Variants in HMGCLL1 observed in about 807,000 individuals in gnomAD.
The protein encoded by HMGCLL1 is 3-hydroxy-3-methylglutaryl-CoA lyase like 1.
In HMGCLL1, 36 loss-of-function variants were observed where a neutral mutation model predicts 39.1. The ratio of observed to expected loss-of-function variants is 0.92; its 90% CI spans 0.71 to 1.22. HMGCLL1 has a LOEUF of 1.22. Ranked by LOEUF, HMGCLL1 falls within the 50% of genes most tolerant of loss-of-function variation. The pLI, the probability that HMGCLL1 is intolerant of heterozygous loss-of-function variation, is 0.00. For synonymous variants in HMGCLL1, 149 were observed against 144.0 expected, an observed-to-expected ratio of 1.03 and a Z score of -0.25; for missense variants, 451 against 416.5, an observed-to-expected ratio of 1.08 and a Z score of -0.72.
chr6:55,614,140 C>T, the HMGCLL1 span, among the ~76,000 whole-genome samples: 1 of 151,950 alleles, frequency 6.6e-6, no homozygotes, highest in African/African-American at 2.4e-5. Context: ...ATGTCTTATA[C>T]AAATAAATTG....
At chr6:55,557,640 G>C (rs928014803) in intron 1 of HMGCLL1, among the ~76,000 whole-genome samples, 4 of 152,088 alleles carry the variant, frequency 2.6e-5, no homozygotes, top group African/African-American at 9.7e-5. Context: ...CCCCAGAGGT[G>C]TCTCTAATGT....
At chr6:55,616,279 GA>G in the HMGCLL1 span, among the ~76,000 whole-genome samples, 4 of 152,048 alleles carry the variant, frequency 2.6e-5, no homozygotes, top group Admixed American at 2.6e-4. Context: ...ACTGGGACTT[GA>G]TCTCTTGATC....
intron 1 of HMGCLL1, chr6:55,577,239 G>A (rs199803414): frequency 3.3e-6 from 2 of 607,296 alleles, no homozygotes; most frequent in Non-Finnish European, 4.0e-6. Flanking sequence ...CGATAAGATA[G>A]AAAAAATCAC....
At chr6:55,588,426 G>C in the HMGCLL1 span, among the ~76,000 whole-genome samples, 1 of 151,834 alleles carries the variant, frequency 6.6e-6, no homozygotes, top group Non-Finnish European at 1.5e-5. Flanking sequence ...GAAACTTACA[G>C]CACTAAATGC....
At chr6:55,557,480 A>C (rs1298420996) in intron 1 of HMGCLL1, among the ~76,000 whole-genome samples, 2 of 151,978 alleles carry the variant, frequency 1.3e-5, no homozygotes, top group Admixed American at 1.3e-4. Flanking sequence ...TTCGCTTTCT[A>C]ACACACTGAC....
chr6:55,668,993 C>T, the HMGCLL1 span, among the ~76,000 whole-genome samples: 1 of 151,514 alleles, frequency 6.6e-6, no homozygotes, highest in Non-Finnish European at 1.5e-5. Flanking sequence ...TCTCCCTGTC[C>T]TCCTACCACA....
the HMGCLL1 span, among the ~76,000 whole-genome samples, chr6:55,608,106 A>G: frequency 6.6e-6 from 1 of 152,160 alleles, no homozygotes; most frequent in East Asian, 1.9e-4. Flanking sequence ...AACATCTAGG[A>G]TATACATCTT....
At chr6:55,642,737 A>G in the HMGCLL1 span, among the ~76,000 whole-genome samples, 2,140 of 152,196 alleles carry the variant, frequency 0.014, 55 homozygotes, top group African/African-American at 0.048. Context: ...TCACCCAGGA[A>G]CTAAGTACTA....
chr6:55,583,110 A>G (rs1772012921), upstream of HMGCLL1, among the ~76,000 whole-genome samples: 1 of 152,182 alleles, frequency 6.6e-6, no homozygotes, highest in Non-Finnish European at 1.5e-5. Context: ...TTGTATGTGC[A>G]AAGCAAATAC....
intron 3 of HMGCLL1, among the ~76,000 whole-genome samples, chr6:55,524,119 A>T (rs1006847213): frequency 1.1e-4 from 16 of 152,072 alleles, no homozygotes; most frequent in Admixed American, 8.5e-4. Context: ...ATAATGAATT[A>T]TTAAACTGAA....
At chr6:55,673,034 TA>T in the HMGCLL1 span, among the ~76,000 whole-genome samples, 1 of 151,928 alleles carries the variant, frequency 6.6e-6, no homozygotes, top group Non-Finnish European at 1.5e-5. Context: ...TAAGGAGAAA[TA>T]AAAAGAAGTC....
intron 4 of HMGCLL1, 75 bp downstream of exon 4, chr6:55,516,433 A>G (rs1767739608): frequency 1.1e-6 from 1 of 941,830 alleles, no homozygotes; most frequent in African/African-American, 1.6e-5. Flanking sequence ...TACATATGAC[A>G]CAATTTTAAC....
At chr6:55,677,669 T>C in the HMGCLL1 span, among the ~76,000 whole-genome samples, 1 of 152,186 alleles carries the variant, frequency 6.6e-6, no homozygotes, top group African/African-American at 2.4e-5. Flanking sequence ...ATACCTGTTA[T>C]CAAATGACTA....
intron 7 of HMGCLL1, among the ~76,000 whole-genome samples, chr6:55,493,667 CACACACCACAACACAT>C (rs913603223): frequency 6.6e-6 from 1 of 152,146 alleles, no homozygotes; most frequent in African/African-American, 2.4e-5. Context: ...CACGTGCACA[CACACACCACAACACAT>C]ACACACCATT....
In HMGCLL1 at chr6:55,577,699, G is replaced by A. The variant is rs1033566644; in HGVS notation, c.108+1249C>T. Among the ~76,000 whole-genome samples the A allele has an allele frequency of 1.3e-5, 2 of 151,978 alleles. 1 individual carries two copies. The highest frequency in any genetic ancestry group is 3.9e-4 in the East Asian group (2 of 5,190). On this transcript the variant is annotated intron_variant, in intron 1 of 8. Transcript: ENST00000274901. ...AAAATCATATAAACTCTCAGACTTA[G>A]GAAATATAAGTTAATGGTTCCTGAT...
At chr6:55,456,320 A>G (rs68123431) in intron 7 of HMGCLL1, among the ~76,000 whole-genome samples, 10,985 of 152,296 alleles carry the variant, frequency 0.072, 595 homozygotes, top group Non-Finnish European at 0.11. Flanking sequence ...ACGATTCGAA[A>G]TACCTGAAAT....
chr6:55,587,666 G>T, the HMGCLL1 span, among the ~76,000 whole-genome samples: 4 of 152,026 alleles, frequency 2.6e-5, no homozygotes, highest in African/African-American at 9.6e-5. Context: ...CCCATCTCAC[G>T]TGCAGAGACA....
the HMGCLL1 span, among the ~76,000 whole-genome samples, chr6:55,625,769 G>T: frequency 6.6e-6 from 1 of 152,282 alleles, no homozygotes; most frequent in South Asian, 2.1e-4. Context: ...TGGAAAATTG[G>T]TGACAAAGAA....
At chr6:55,497,159 G>A (rs1178722416) in intron 6 of HMGCLL1, among the ~76,000 whole-genome samples, 1 of 152,038 alleles carries the variant, frequency 6.6e-6, no homozygotes. Context: ...CATGGGTTCT[G>A]GAATCAGAGA....
Sources: allele counts gnomAD v4.1 joint callset (sites outside exome capture counted in the v4.1 genomes callset), GRCh38; gene constraint gnomAD v4.1.1; transcripts MANE v1.5; gene names NCBI Gene and HGNC (gene_info 2026-07-23, HGNC 2026-07-21).